The following ANKRD44 variants were observed in gnomAD, a reference collection of about 807,000 sequenced individuals.
The protein encoded by ANKRD44 is ankyrin repeat domain 44.
A neutral mutation model predicts 116.0 loss-of-function variants in ANKRD44; 35 were observed. The ratio of observed to expected loss-of-function variants is 0.30; its 90% confidence interval spans 0.23 to 0.40. The LOEUF is 0.40. Ranked by LOEUF, ANKRD44 falls within the 10% of genes least tolerant of loss-of-function variation. The pLI is 1.00. For synonymous variants in ANKRD44, 435 were observed against 461.8 expected, an observed-to-expected ratio of 0.94 and a Z score of 0.74; for missense variants, 1,014 against 1,242.6, an observed-to-expected ratio of 0.82 and a Z score of 2.77.
rs555050516 is a variant in ANKRD44, at chr2:197,037,414, A to G, written c.1651-12147T>C. Among the ~76,000 whole-genome samples, 8 of 152,340 alleles carry G rather than the reference A, an allele frequency of 5.3e-5. No homozygotes were observed. The East Asian group carries it at 1.3e-3, about 26-fold the overall frequency. On this transcript the variant is annotated intron_variant, in intron 16 of 27. Transcript: ENST00000282272. ...AGTATTACTGTTGGTTGAGTATATT[A>G]CTTCATGGCCATTAAACTGCAAATT...
intron 18 of ANKRD44, among the ~76,000 whole-genome samples, chr2:197,011,499 G>T (rs1300838816): frequency 6.7e-6 from 1 of 148,972 alleles, no homozygotes; most frequent in East Asian, 2.0e-4. Context: ...TTGAGGTAGA[G>T]TCTAGCTCTG....
intron 16 of ANKRD44, among the ~76,000 whole-genome samples, chr2:197,076,018 A>T (rs548793647): frequency 6.4e-4 from 97 of 152,320 alleles, no homozygotes; most frequent in Non-Finnish European, 1.4e-3. Context: ...CAGCGCCCAG[A>T]GGACAAAGTC....
intron 1 of ANKRD44, among the ~76,000 whole-genome samples, chr2:197,248,554 ATGTGTG>A (rs3057750): frequency 0.023 from 3,064 of 135,278 alleles, 43 homozygotes; most frequent in African/African-American, 0.028. Flanking sequence ...ATATATGTAT[ATGTGTG>A]TGTGTGTGTG....
intron 8 of ANKRD44, among the ~76,000 whole-genome samples, chr2:197,114,471 G>A (rs1217871555): frequency 6.6e-6 from 1 of 152,206 alleles, no homozygotes; most frequent in African/African-American, 2.4e-5. Flanking sequence ...CTCTTTCAGG[G>A]CAGAACTCAG....
chr2:197,046,940 T>C (rs7355462), intron 16 of ANKRD44, among the ~76,000 whole-genome samples: 7,426 of 152,182 alleles, frequency 0.049, 604 homozygotes, highest in African/African-American at 0.17. Flanking sequence ...CATTTATAGC[T>C]ATCTATGAAT....
intron 6 of ANKRD44, 79 bp downstream of exon 6, chr2:197,125,302 C>A (rs1326570842): frequency 7.6e-7 from 1 of 1,323,244 alleles, no homozygotes; most frequent in Non-Finnish European, 1.1e-6. Context: ...CTGGAGAAAA[C>A]CTACATGGTC....
chr2:196,996,856 A>T (rs562860904), intron 25 of ANKRD44, among the ~76,000 whole-genome samples: 1 of 137,140 alleles, frequency 7.3e-6, no homozygotes, highest in Non-Finnish European at 1.5e-5. Flanking sequence ...GTGGGCCAAG[A>T]TTGCGCCACT....
At chr2:197,131,680 G>T (rs2079100685) in intron 4 of ANKRD44, among the ~76,000 whole-genome samples, 1 of 152,112 alleles carries the variant, frequency 6.6e-6, no homozygotes, top group Non-Finnish European at 1.5e-5. Context: ...AGCAGAAAGG[G>T]CACCTGGGAC....
intron 1 of ANKRD44, among the ~76,000 whole-genome samples, chr2:197,271,582 C>T (rs56317009): frequency 0.018 from 2,682 of 152,266 alleles, 74 homozygotes; most frequent in African/African-American, 0.062. Flanking sequence ...GTAGCCATAG[C>T]CCATTAAATT....
At chr2:197,289,481 C>T (rs1447442433) in intron 1 of ANKRD44, among the ~76,000 whole-genome samples, 1 of 152,178 alleles carries the variant, frequency 6.6e-6, no homozygotes, top group Non-Finnish European at 1.5e-5. Context: ...AAATTTCCAT[C>T]AACAGATGAA....
rs1432034634 is a variant in ANKRD44, at chr2:197,230,823, G to T, written c.28-43717C>A. Among the ~76,000 whole-genome samples, 4 of 152,106 alleles carry T rather than the reference G, an allele frequency of 2.6e-5. No homozygotes were observed. In the East Asian group the frequency reaches 5.8e-4, roughly 22 times the overall value. On this transcript the variant is annotated intron_variant, in intron 1 of 27. Transcript: ENST00000282272. ...GCTCTACCATCTCCCGGGACCCCAG[G>T]ATCCTCTGCTAGATCCGGTGGACAA...
At position 197,163,081 on chromosome 2, in the gene ANKRD44, T is replaced by C. The variant is rs144441625; in HGVS notation, c.112-15976A>G. ...TGAGTGAAGATAGCAACCACCTCAG[T>C]CCATCACAGGCAGGGCTTGGCCTTG... On this transcript the variant is annotated intron_variant, in intron 2 of 27. Coordinates refer to ENST00000282272, the MANE Select transcript of ANKRD44 (RefSeq NM_001195144.2). Among the ~76,000 whole-genome samples the C allele has an allele frequency of 3.9e-5, 6 of 152,280 alleles. 1 individual carries two copies. The highest frequency in any genetic ancestry group is 8.8e-5 in the Non-Finnish European group (6 of 68,022).
At chr2:197,194,083 A>C (rs1252434438) in intron 1 of ANKRD44, among the ~76,000 whole-genome samples, 1 of 152,166 alleles carries the variant, frequency 6.6e-6, no homozygotes, top group African/African-American at 2.4e-5. Flanking sequence ...AGATTTCCTA[A>C]AATACTACAG....
intron 2 of ANKRD44, among the ~76,000 whole-genome samples, chr2:197,148,847 A>G (rs1307467407): frequency 6.6e-6 from 1 of 152,364 alleles, no homozygotes; most frequent in African/African-American, 2.4e-5. Flanking sequence ...ATGCAACTAT[A>G]AAATAATGGC....
intron 16 of ANKRD44, among the ~76,000 whole-genome samples, chr2:197,039,215 C>T (rs1242329356): frequency 6.6e-6 from 1 of 152,122 alleles, no homozygotes; most frequent in Non-Finnish European, 1.5e-5. Flanking sequence ...ATGTTTACAT[C>T]TTGGAGACAG....
intron 16 of ANKRD44, among the ~76,000 whole-genome samples, chr2:197,063,272 G>A (rs892288677): frequency 1.3e-5 from 2 of 152,084 alleles, no homozygotes; most frequent in Admixed American, 6.6e-5. Context: ...CTAACAAACA[G>A]AAAGGACATC....
At chr2:197,252,418 T>C (rs2082339033) in intron 1 of ANKRD44, among the ~76,000 whole-genome samples, 1 of 152,038 alleles carries the variant, frequency 6.6e-6, no homozygotes, top group South Asian at 2.1e-4. Flanking sequence ...TTTTTTTTCT[T>C]TTTTTAGACG....
chr2:197,265,257 G>T (rs1000638836), intron 1 of ANKRD44, among the ~76,000 whole-genome samples: 2 of 150,430 alleles, frequency 1.3e-5, no homozygotes, highest in African/African-American at 2.4e-5. Context: ...TGGTGGGGAG[G>T]GGGTGGGGAG....
chr2:197,104,733 C>T (rs967128038), intron 9 of ANKRD44, among the ~76,000 whole-genome samples: 2 of 152,144 alleles, frequency 1.3e-5, no homozygotes, highest in Non-Finnish European at 2.9e-5. Context: ...TTTCAGCAAA[C>T]AACGCTTTTT....
Sources: allele counts gnomAD v4.1 joint callset (sites outside exome capture counted in the v4.1 genomes callset), GRCh38; gene constraint gnomAD v4.1.1; transcripts MANE v1.5; gene names NCBI Gene and HGNC (gene_info 2026-07-23, HGNC 2026-07-21).